SGSM1: variants seen among roughly 807,000 people sequenced by gnomAD.
The protein encoded by SGSM1 is RUN and TBC1 domain containing 2.
A neutral mutation model predicts 133.8 loss-of-function variants in SGSM1; 73 were observed. That is an observed-to-expected ratio of 0.55 (90% CI 0.45 to 0.66). The LOEUF is 0.66. Among genes scored for constraint, SGSM1 ranks in the 30% least tolerant of loss-of-function variants. SGSM1 has a pLI of 0.00. For missense variants in SGSM1, 1,213 were observed against 1,448.1 expected, an observed-to-expected ratio of 0.84 and a Z score of 2.64; for synonymous variants, 563 against 573.0, an observed-to-expected ratio of 0.98 and a Z score of 0.25.
In SGSM1 at chr22:24,868,787, A is replaced by G; in HGVS notation, c.1223A>G (p.Asp408Gly). The part of the protein sequence containing the change: ...PQGSAESTSS[D>G]KDDDEATDYV... ...GGTTCTGCCGAGTCCACATCTTCAG[A>G]CAAAGATGATGATGAGGCCACGGAT... Residue 408 changes from aspartate (D) to glycine (G), a missense_variant, in exon 12 of 25, where the codon GAC becomes GGC. Asp to Gly is a moderately conservative substitution (Grantham distance 94, BLOSUM62 -1). Coordinates refer to ENST00000400358, the MANE Select transcript of SGSM1 (RefSeq NM_001098497.3). 1 of 1,614,024 alleles carries G rather than the reference A, an allele frequency of 6.2e-7. No homozygotes were observed. The highest frequency in any genetic ancestry group is 1.1e-5 in the South Asian group (1 of 91,090).
chr22:24,901,984 G>T, intron 20 of SGSM1, 27 bp downstream of exon 20: 1 of 1,530,734 alleles, frequency 6.5e-7, no homozygotes, highest in Admixed American at 2.0e-5. Flanking sequence ...AGGGGATCTA[G>T]GGGATGGGGA....
intron 22 of SGSM1, among the ~76,000 whole-genome samples, chr22:24,914,252 C>G (rs1933736319): frequency 6.9e-6 from 1 of 145,734 alleles, no homozygotes; most frequent in African/African-American, 2.6e-5. Context: ...GAGATGGCGC[C>G]ACTGCACTCC....
intron 20 of SGSM1, among the ~76,000 whole-genome samples, chr22:24,903,118 C>A (rs149386310): frequency 6.6e-6 from 1 of 152,184 alleles, no homozygotes; most frequent in Non-Finnish European, 1.5e-5. Flanking sequence ...TTCATCTCTG[C>A]CCGGCAGTGC....
At chr22:24,854,509 C>T (rs576522195) in intron 5 of SGSM1, among the ~76,000 whole-genome samples, 1 of 152,164 alleles carries the variant, frequency 6.6e-6, no homozygotes, top group Non-Finnish European at 1.5e-5. Flanking sequence ...TTTTGGTTCT[C>T]TCAAAAGTCC....
intron 21 of SGSM1, among the ~76,000 whole-genome samples, chr22:24,911,911 T>C (rs1249614211): frequency 1.3e-5 from 2 of 151,652 alleles, no homozygotes; most frequent in Non-Finnish European, 2.9e-5. Context: ...AAAAATTAGT[T>C]GGGCTTGGTG....
At chr22:24,859,893 A>G in intron 9 of SGSM1, 53 bp downstream of exon 9, 1 of 1,606,274 alleles carries the variant, frequency 6.2e-7, no homozygotes, top group Non-Finnish European at 8.5e-7. Context: ...TCGCCTTGGC[A>G]CAAGGAAGTT....
intron 18 of SGSM1, among the ~76,000 whole-genome samples, chr22:24,896,664 T>G (rs1208098910): frequency 6.6e-6 from 1 of 151,988 alleles, no homozygotes; most frequent in African/African-American, 2.4e-5. Flanking sequence ...GTTAACTAAT[T>G]TTTTGAATGA....
At position 24,868,368 on chromosome 22, in the gene SGSM1, G is replaced by A; in HGVS notation, c.995-8G>A. 6.2e-7 allele frequency: 1 copy of A among 1,604,998 alleles called. No individual in the cohort carries two copies. The highest frequency in any genetic ancestry group is 8.5e-7 in the Non-Finnish European group (1 of 1,173,946). On this transcript the variant is annotated splice_region_variant and splice_polypyrimidine_tract_variant and intron_variant, in intron 10 of 24. Transcript: ENST00000400358. ...CACTGGGTCTTCTCTGGCTGGTGGT[G>A]GCGGCAGTTGACAGCGGCGGGACAG...
chr22:24,903,528 A>G (rs1176684986), intron 20 of SGSM1, among the ~76,000 whole-genome samples: 1 of 152,134 alleles, frequency 6.6e-6, no homozygotes, highest in Non-Finnish European at 1.5e-5. Context: ...TATTTTTTAA[A>G]TGTTTTAAAC....
chr22:24,807,610 T>G (rs906689196), intron 2 of SGSM1, among the ~76,000 whole-genome samples: 1 of 152,186 alleles, frequency 6.6e-6, no homozygotes, highest in Admixed American at 6.5e-5. Context: ...TGCTGCTGTG[T>G]CTTCATCACT....
intron 13 of SGSM1, among the ~76,000 whole-genome samples, chr22:24,878,125 T>C (rs1011068024): frequency 2.0e-5 from 3 of 152,186 alleles, no homozygotes; most frequent in African/African-American, 7.2e-5. Flanking sequence ...GATTCTCTTA[T>C]CATGCATTAG....
intron 2 of SGSM1, among the ~76,000 whole-genome samples, chr22:24,841,795 C>G (rs1929821619): frequency 6.6e-6 from 1 of 152,170 alleles, no homozygotes; most frequent in Non-Finnish European, 1.5e-5. Flanking sequence ...TGGAATCTCG[C>G]TCTATCGCCA....
At chr22:24,836,786 G>GTT (rs1929454486) in intron 2 of SGSM1, among the ~76,000 whole-genome samples, 1 of 152,164 alleles carries the variant, frequency 6.6e-6, no homozygotes, top group South Asian at 2.1e-4. Flanking sequence ...GTTGTTTGTT[G>GTT]TTGAGTTGCA....
chr22:24,906,903 A>G (rs2123724001), intron 21 of SGSM1, among the ~76,000 whole-genome samples: 1 of 151,930 alleles, frequency 6.6e-6, no homozygotes, highest in Non-Finnish European at 1.5e-5. Flanking sequence ...GTGAGCTGAG[A>G]TTGCACCACT....
At chr22:24,844,750 G>GA in intron 2 of SGSM1, 147 bp from the exon 3 acceptor site, 1 of 605,636 alleles carries the variant, frequency 1.7e-6, no homozygotes, top group Non-Finnish European at 2.9e-6. Flanking sequence ...AAGACAAGGC[G>GA]AGGAGGGGGA....
chr22:24,880,933 A>G (rs557880840), intron 14 of SGSM1, among the ~76,000 whole-genome samples: 14 of 152,320 alleles, frequency 9.2e-5, no homozygotes, highest in Admixed American at 7.2e-4. Flanking sequence ...GCTTGCGCCT[A>G]TAATCCCAGC....
At chr22:24,887,882 A>G (rs2123681319) in intron 16 of SGSM1, among the ~76,000 whole-genome samples, 1 of 152,300 alleles carries the variant, frequency 6.6e-6, no homozygotes, top group South Asian at 2.1e-4. Flanking sequence ...ACTATTTTTT[A>G]TTTCAGCCAC....
intron 9 of SGSM1, among the ~76,000 whole-genome samples, chr22:24,861,933 GTCTAGAGTTTCTTTCTTTCTTTC>G (rs1282831784): frequency 1.3e-5 from 2 of 150,936 alleles, no homozygotes; most frequent in Non-Finnish European, 1.5e-5. Context: ...GCTTCCCAGA[GTCTAGAGTTTCTTTCTTTCTTTC>G]TTTTTTTTTT....
At chr22:24,876,084 G>A (rs1271629813) in intron 12 of SGSM1, among the ~76,000 whole-genome samples, 1 of 152,206 alleles carries the variant, frequency 6.6e-6, no homozygotes, top group Non-Finnish European at 1.5e-5. Context: ...TTTAGCCTCA[G>A]GACCATGGAC....
Sources: allele counts gnomAD v4.1 joint callset (sites outside exome capture counted in the v4.1 genomes callset), GRCh38; gene constraint gnomAD v4.1.1; transcripts MANE v1.5; gene names NCBI Gene and HGNC (gene_info 2026-07-23, HGNC 2026-07-21).